AKT1S1: variants seen among roughly 807,000 people sequenced by gnomAD.
AKT1S1 encodes the protein AKT1 substrate 1, also known as proline-rich AKT1 substrate 1.
A neutral mutation model predicts 21.2 loss-of-function variants in AKT1S1; 17 were observed. The observed-to-expected ratio is 0.80, with a 90% CI of 0.55 to 1.20. AKT1S1 has a LOEUF of 1.20. Among genes scored for constraint, AKT1S1 ranks in the 50% most tolerant of loss-of-function variants. The pLI is 0.00. For synonymous variants in AKT1S1, 181 were observed against 165.6 expected (o/e 1.09, Z -0.72); for missense variants, 366 against 368.3 (o/e 0.99, Z 0.05).
chr19:49,870,392 G>T (rs2074871542), intron 4 of AKT1S1, among the ~76,000 whole-genome samples: 1 of 152,208 alleles, frequency 6.6e-6, no homozygotes. Flanking sequence ...TGAGGATCTG[G>T]GCTGGGGTTT....
intron 1 of AKT1S1, chr19:49,874,982 G>C (rs2074924152): frequency 6.6e-6 from 1 of 152,262 alleles, no homozygotes; most frequent in African/African-American, 2.4e-5. Context: ...CTCACTCAGG[G>C]AGTTCAAAGC....
chr19:49,878,025 C>A (rs1328384370), upstream of AKT1S1: 8 of 866,422 alleles, frequency 9.2e-6, no homozygotes, highest in Middle Eastern at 3.1e-4. Flanking sequence ...GGTCCCGGGG[C>A]AATGGCCCTC....
chr19:49,870,017 G>T lies in AKT1S1; in HGVS notation c.671C>A (p.Ala224Glu). The T allele has an allele frequency of 6.4e-7, 1 of 1,550,822 alleles. No individual in the cohort carries two copies. The highest frequency in any genetic ancestry group is 8.7e-7 in the Non-Finnish European group (1 of 1,145,512). ...GTCCTCGGCCTCTCGCAGCACCAGCGCGCGCATGCTCGCCGCGATGCGGTC... is the reference window on the plus strand; with the variant it reads ...GTCCTCGGCCTCTCGCAGCACCAGCTCGCGCATGCTCGCCGCGATGCGGTC... ...DLDRIAASMR[A>E]LVLREAEDTQ... Residue 224 changes from alanine (A) to glutamate (E), a missense_variant, in exon 5 of 5, where the codon GCG (alanine) becomes GAG (glutamate). By Grantham distance (107) the Ala-to-Glu change is moderately radical. Coordinates refer to ENST00000344175, the MANE Select transcript of AKT1S1 (RefSeq NM_001098633.4).
At position 49,871,796 on chromosome 19, in the gene AKT1S1, A is replaced by C; in HGVS notation, c.457+16T>G. 1 of 1,611,134 alleles carries C rather than the reference A, an allele frequency of 6.2e-7. No homozygotes were observed. ...CCTGCCCTCAGGTCGGGAGGGGAAC[A>C]GCCTGGGACACTCACCATCTGTACT... is the stretch of plus-strand genomic sequence containing the variant. On this transcript the variant is annotated intron_variant, in intron 3 of 4. Transcript: ENST00000344175.
rs562315819 is a variant in AKT1S1, at chr19:49,872,363, A to G, written c.380-474T>C. On this transcript the variant is annotated intron_variant, in intron 2 of 4. Transcript: ENST00000344175. Reference sequence around the variant, plus strand: ...ATGGTGAGGAGGCCTGCCATTGGTAATAACAACAAACAAGGACCTCCTAGT... The same window carrying G: ...ATGGTGAGGAGGCCTGCCATTGGTAGTAACAACAAACAAGGACCTCCTAGT... 2.0e-3 allele frequency among the ~76,000 whole-genome samples: 298 copies of G among 152,158 alleles called. 2 individuals are homozygous for G. The highest frequency in any genetic ancestry group is 3.7e-3 in the Non-Finnish European group (254 of 68,024).
chr19:49,873,411 A>C lies in AKT1S1; in HGVS notation c.-7-109T>G. 1 of 1,360,422 alleles carries C rather than the reference A, an allele frequency of 7.4e-7. No homozygotes were observed. Among genetic ancestry groups the C allele is most frequent in the Non-Finnish European group, 9.4e-7 (1 of 1,062,542 alleles). The allele number at this position is 1,360,422 out of a possible 1,614,324, so 84.3% of individuals were successfully genotyped here. On this transcript the variant is annotated intron_variant, in intron 1 of 4. Coordinates refer to ENST00000344175, the MANE Select transcript of AKT1S1 (RefSeq NM_001098633.4). The surrounding 1 kb of genome is among the most constrained non-coding windows in gnomAD (Gnocchi z 6.9). ...GGATGGCACTCACCACCCTCCACCCACCTTGTCCCAGCGGTGCTGTGTGTC... is the reference window on the plus strand; with the variant it reads ...GGATGGCACTCACCACCCTCCACCCCCCTTGTCCCAGCGGTGCTGTGTGTC...
At position 49,873,235 on chromosome 19, in the gene AKT1S1, G is replaced by C; in HGVS notation, c.61C>G (p.Arg21Gly). The C allele has an allele frequency of 6.5e-7, 1 of 1,537,136 alleles. No individual in the cohort carries two copies. The highest frequency in any genetic ancestry group is 8.7e-7 in the Non-Finnish European group (1 of 1,151,762). ...ACCAGCTCCGTGCCAGTCCGGGCCC[G>C]GAAGCGCTCAGCGGCCCCCACCACG... The part of the protein sequence containing the change: ...EAVVGAAERF[R>G]ARTGTELVLL... The change falls in exon 2 of 5, where the codon CGG (arginine) becomes GGG (glycine). Residue 21 changes from arginine to glycine, a missense_variant. Physicochemically the swap from Arg to Gly is moderately radical, Grantham distance 125. Transcript: ENST00000344175. This position sits in a 1 kb window ranked among gnomAD's most constrained non-coding sequence, Gnocchi z 6.9.
At chr19:49,878,287 C>G, upstream of AKT1S1, 1 of 1,525,816 alleles carries the variant, frequency 6.6e-7, no homozygotes. Context: ...GAGCGGGATG[C>G]AGGCGGTCTG....
chr19:49,869,709 TCGGGAAACGGGAC>T lies in AKT1S1; in HGVS notation c.*195_*207del. On this transcript the variant is annotated 3_prime_UTR_variant, in exon 5 of 5. Transcript: ENST00000344175. Reference sequence around the variant, plus strand: ...AGGCGGAGAGAGACGACAGACCCAATCGGGAAACGGGACAGATGCCGCTCCTCGGCGCGGCAGG... The same window carrying T: ...AGGCGGAGAGAGACGACAGACCCAATAGATGCCGCTCCTCGGCGCGGCAGG... 2.0e-6 allele frequency: 1 copy of T among 506,712 alleles called. No homozygotes were observed. The allele number at this position is 506,712 out of a possible 1,614,324, so 31.4% of individuals were successfully genotyped here. A position where few individuals can be genotyped will look rare whatever the true frequency, so the allele number is the denominator to read the frequency against.
intron 1 of AKT1S1, chr19:49,874,605 C>G (rs901124348): frequency 6.6e-6 from 1 of 152,300 alleles, no homozygotes; most frequent in Admixed American, 6.5e-5. Flanking sequence ...CAGGGTGCGT[C>G]TCCTTACTGG....
chr19:49,869,796 G>A lies in AKT1S1; in HGVS notation c.*121C>T. On this transcript the variant is annotated 3_prime_UTR_variant, in exon 5 of 5. Transcript: ENST00000344175. ...GATTGGCAGAGGCGGGACAATCTTGGGAATGGGAGACGCAAGGAGGCCGGT... is the reference window on the plus strand; with the variant it reads ...GATTGGCAGAGGCGGGACAATCTTGAGAATGGGAGACGCAAGGAGGCCGGT... 2 of 1,131,410 alleles carry A rather than the reference G, an allele frequency of 1.8e-6. No individual in the cohort carries two copies. Among genetic ancestry groups the A allele is most frequent in the Non-Finnish European group, 1.2e-6 (1 of 857,476 alleles). The allele number at this position is 1,131,410 out of a possible 1,614,324, so 70.1% of individuals were successfully genotyped here.
At chr19:49,876,718 T>A in intron 1 of AKT1S1, 1 of 1,404,302 alleles carries the variant, frequency 7.1e-7, no homozygotes, top group Non-Finnish European at 9.3e-7. Context: ...TCCGCCTCCC[T>A]TATCGGGGCC....
intron 1 of AKT1S1, chr19:49,876,766 G>A (rs2074952127): frequency 7.9e-7 from 1 of 1,271,022 alleles, no homozygotes. Flanking sequence ...GGCTTCATCC[G>A]AACCAGTTGA....
At chr19:49,876,206 G>C (rs898615936) in intron 1 of AKT1S1, 31 of 1,027,634 alleles carry the variant, frequency 3.0e-5, no homozygotes, top group Non-Finnish European at 3.5e-5. Context: ...AACCTCGCCC[G>C]GGGTCCAGGG....
upstream of AKT1S1, chr19:49,878,168 A>C: frequency 1.9e-6 from 3 of 1,577,674 alleles, no homozygotes; most frequent in Non-Finnish European, 1.7e-6. Context: ...GGCGGAGTGT[A>C]CCTGCACACC....
intron 2 of AKT1S1, among the ~76,000 whole-genome samples, chr19:49,872,477 C>T (rs1053446065): frequency 6.6e-6 from 1 of 152,166 alleles, no homozygotes; most frequent in African/African-American, 2.4e-5. Context: ...CCCCCCAAAA[C>T]AGCTGGCTGC....
chr19:49,873,013 G>T lies in AKT1S1; in HGVS notation c.283C>A (p.Arg95=). 1 of 1,569,752 alleles carries T rather than the reference G, an allele frequency of 6.4e-7. No individual in the cohort carries two copies. ...QPPSPTPSPP[R]PTLAREDNEE... is the part of the protein sequence containing the mutation. ...TTGTCCTCTCTGGCCAGGGTAGGCC[G>T]GGGTGGGCTGGGTGTGGGACTGGGT... is the stretch of plus-strand genomic sequence containing the variant. Residue 95 remains arginine (R), a synonymous_variant, in exon 2 of 5, where the codon CGG becomes AGG. Coordinates refer to ENST00000344175, the MANE Select transcript of AKT1S1 (RefSeq NM_001098633.4). This position sits in a 1 kb window ranked among gnomAD's most constrained non-coding sequence, Gnocchi z 6.9.
chr19:49,870,315 T>C (rs1046846326), intron 4 of AKT1S1, among the ~76,000 whole-genome samples: 3 of 152,132 alleles, frequency 2.0e-5, no homozygotes, highest in African/African-American at 7.2e-5. Context: ...GCCTAGGACA[T>C]TGCTTCCTAC....
intron 4 of AKT1S1, among the ~76,000 whole-genome samples, chr19:49,870,479 C>G (rs967144286): frequency 6.6e-6 from 1 of 152,190 alleles, no homozygotes; most frequent in East Asian, 1.9e-4. Flanking sequence ...CTCAGTCTCC[C>G]CTTCTGAAAA....
Sources: gnomAD v4.1 joint callset for allele counts (sites outside exome capture counted in the v4.1 genomes callset) on GRCh38, gnomAD v4.1.1 for gene constraint, Gnocchi (gnomAD v3.1) non-coding constraint, MANE v1.5 for transcripts, NCBI Gene and HGNC (gene_info 2026-07-23, HGNC 2026-07-21) for gene names.